Variants in TDRD3 observed in about 807,000 individuals in gnomAD.
The protein encoded by TDRD3 is tudor domain-containing protein 3.
In TDRD3, 45 loss-of-function variants were observed where a neutral mutation model predicts 86.7. That is an observed-to-expected ratio of 0.52 (90% CI 0.41 to 0.67). The LOEUF (loss-of-function observed/expected upper bound fraction) is 0.67, where lower values mean the gene tolerates loss of function less well. Among genes scored for constraint, TDRD3 ranks in the 30% least tolerant of loss-of-function variants. TDRD3 has a pLI of 0.00. For synonymous variants in TDRD3, 298 were observed against 301.7 expected, an observed-to-expected ratio of 0.99 and a Z score of 0.13; for missense variants, 814 against 889.0, an observed-to-expected ratio of 0.92 and a Z score of 1.07.
chr13:60,530,434 A>G (rs1186123495), intron 11 of TDRD3, among the ~76,000 whole-genome samples: 4 of 148,754 alleles, frequency 2.7e-5, no homozygotes, highest in Admixed American at 2.0e-4. Context: ...AAAGAGGAAA[A>G]ATATTTTAAA....
At chr13:60,398,980 C>A (rs965201208) in intron 1 of TDRD3, among the ~76,000 whole-genome samples, 4 of 152,208 alleles carry the variant, frequency 2.6e-5, no homozygotes, top group African/African-American at 9.7e-5. Flanking sequence ...TTTTCATTTA[C>A]AAACTCAGTA....
chr13:60,568,667 A>C (rs149553988), intron 13 of TDRD3, among the ~76,000 whole-genome samples: 1 of 152,330 alleles, frequency 6.6e-6, no homozygotes, highest in East Asian at 1.9e-4. Flanking sequence ...CCTTTCCTCT[A>C]TGATCTGGAA....
At chr13:60,457,830 A>C (rs2138040728) in intron 3 of TDRD3, among the ~76,000 whole-genome samples, 1 of 151,906 alleles carries the variant, frequency 6.6e-6, no homozygotes, top group East Asian at 1.9e-4. Flanking sequence ...GCATAACTTT[A>C]ATTTCTGCCT....
At chr13:60,476,772 G>A (rs1425020037) in intron 5 of TDRD3, among the ~76,000 whole-genome samples, 6 of 151,918 alleles carry the variant, frequency 3.9e-5, no homozygotes, top group Non-Finnish European at 5.9e-5. Flanking sequence ...GAGATCTTTC[G>A]CCTCTTTGTT....
intron 3 of TDRD3, among the ~76,000 whole-genome samples, chr13:60,456,726 ATG>A (rs1312602150): frequency 6.6e-6 from 1 of 151,860 alleles, no homozygotes; most frequent in Non-Finnish European, 1.5e-5. Context: ...TTTTGTGTGT[ATG>A]TGTGTCACCT....
chr13:60,555,779 G>A (rs1958167643), intron 12 of TDRD3, among the ~76,000 whole-genome samples: 1 of 151,706 alleles, frequency 6.6e-6, no homozygotes, highest in African/African-American at 2.4e-5. Context: ...GTGGTTAGAG[G>A]TATCAGCTGG....
intron 13 of TDRD3, among the ~76,000 whole-genome samples, chr13:60,571,174 T>A (rs1358970534): frequency 1.3e-5 from 2 of 152,200 alleles, no homozygotes; most frequent in Non-Finnish European, 2.9e-5. Context: ...AAATAAGACA[T>A]GTAATCTTGT....
At position 60,475,223 on chromosome 13, in the gene TDRD3, C is replaced by A. The variant is rs148422279; in HGVS notation, c.495+7844C>A. ...GCATAGTACCCTATAGGTAGCCTTC[C>A]AACTTATTTCCTCCTCCCACCCTTC... On this transcript the variant is annotated intron_variant, in intron 5 of 13. Transcript: ENST00000377881. Among the ~76,000 whole-genome samples the A allele has an allele frequency of 1.1e-4, 17 of 152,176 alleles. No homozygotes were observed. In the East Asian group the frequency reaches 3.3e-3, roughly 29 times the overall value.
chr13:60,523,169 TG>T lies in TDRD3; in HGVS notation c.1142-5197del, dbSNP rs1236628621. On this transcript the variant is annotated intron_variant, in intron 10 of 13. Coordinates refer to ENST00000377881, the MANE Select transcript of TDRD3 (RefSeq NM_001146070.2). Reference sequence around the variant, plus strand: ...TTCAGGTAGGTGTATCAGAATAAAATGAGGATTAGTCTTGGGAAACAAATTC... The same window carrying T: ...TTCAGGTAGGTGTATCAGAATAAAATAGGATTAGTCTTGGGAAACAAATTC... Among the ~76,000 whole-genome samples the T allele has an allele frequency of 5.9e-5, 9 of 152,276 alleles. No homozygotes were observed. The South Asian group carries it at 8.3e-4, about 14-fold the overall frequency.
At chr13:60,432,188 T>C (rs368136613) in intron 1 of TDRD3, among the ~76,000 whole-genome samples, 15 of 152,236 alleles carry the variant, frequency 9.9e-5, no homozygotes, top group East Asian at 3.9e-4. Context: ...CTGATCCTTC[T>C]GTTTATTATG....
At chr13:60,408,053 C>G (rs1954275541) in intron 1 of TDRD3, among the ~76,000 whole-genome samples, 1 of 152,140 alleles carries the variant, frequency 6.6e-6, no homozygotes, top group Non-Finnish European at 1.5e-5. Context: ...CTTTCACGTC[C>G]CGCCATGATT....
chr13:60,489,852 A>AT (rs1159644556), intron 7 of TDRD3, among the ~76,000 whole-genome samples: 1 of 152,142 alleles, frequency 6.6e-6, no homozygotes, highest in Non-Finnish European at 1.5e-5. Flanking sequence ...TTGAGAATAT[A>AT]TTTTTTAAAA....
chr13:60,475,427 A>T (rs186081455), intron 5 of TDRD3, among the ~76,000 whole-genome samples: 92 of 152,292 alleles, frequency 6.0e-4, no homozygotes, highest in African/African-American at 2.2e-3. Context: ...ACATTATTTC[A>T]TTCTTATTTA....
At chr13:60,509,590 T>G in intron 8 of TDRD3, 173 bp from the exon 9 acceptor site, 1 of 774,488 alleles carries the variant, frequency 1.3e-6, no homozygotes, top group Non-Finnish European at 2.1e-6. Context: ...CCACATATCA[T>G]ACAGATTCTT....
chr13:60,422,010 G>A (rs1954671680), intron 1 of TDRD3, among the ~76,000 whole-genome samples: 1 of 152,226 alleles, frequency 6.6e-6, no homozygotes, highest in Admixed American at 6.5e-5. Flanking sequence ...GGTCAGGCAT[G>A]TAACTTAAAA....
intron 8 of TDRD3, among the ~76,000 whole-genome samples, chr13:60,503,812 A>T (rs1956881841): frequency 6.6e-6 from 1 of 152,224 alleles, no homozygotes; most frequent in Non-Finnish European, 1.5e-5. Context: ...TATTACATGA[A>T]AATCCTGTTG....
intron 6 of TDRD3, chr13:60,484,681 T>C (rs1309012417): frequency 2.2e-6 from 1 of 448,300 alleles, no homozygotes; most frequent in Admixed American, 2.5e-5. Context: ...TTGATTTTTT[T>C]TTTTTACTGA....
chr13:60,442,640 C>G (rs989597826), intron 2 of TDRD3, among the ~76,000 whole-genome samples: 1 of 151,984 alleles, frequency 6.6e-6, no homozygotes, highest in Non-Finnish European at 1.5e-5. Context: ...AAAAATACAT[C>G]AAAATAACAT....
chr13:60,509,519 T>C, intron 8 of TDRD3: 1 of 433,678 alleles, frequency 2.3e-6, no homozygotes, highest in Non-Finnish European at 4.2e-6. Context: ...ATAAAATTTA[T>C]TTTTTGTGTG....
Sources: allele counts gnomAD v4.1 joint callset (sites outside exome capture counted in the v4.1 genomes callset), GRCh38; gene constraint gnomAD v4.1.1; transcripts MANE v1.5; gene names NCBI Gene and HGNC (gene_info 2026-07-23, HGNC 2026-07-21).